Variants in CARMIL1 observed in about 807,000 individuals in gnomAD.
CARMIL1 encodes the protein capping protein regulator and myosin 1 linker 1, also known as F-actin-uncapping protein LRRC16A.
Under a neutral mutation model 177.1 loss-of-function variants are expected in CARMIL1, and 90 were observed. The ratio of observed to expected loss-of-function variants is 0.51; its 90% confidence interval spans 0.43 to 0.61. CARMIL1 has a LOEUF of 0.61. Among genes scored for constraint, CARMIL1 ranks in the 20% least tolerant of loss-of-function variants. The pLI, the probability that CARMIL1 is intolerant of heterozygous loss-of-function variation, is 0.00. For synonymous variants in CARMIL1, 577 were observed against 606.2 expected (o/e 0.95, Z 0.71); for missense variants, 1,380 against 1,667.0 (o/e 0.83, Z 3.00).
intron 2 of CARMIL1, among the ~76,000 whole-genome samples, chr6:25,325,418 A>G (rs1324024285): frequency 6.6e-6 from 1 of 152,190 alleles, no homozygotes; most frequent in Non-Finnish European, 1.5e-5. Context: ...ATTTGCTTGC[A>G]GATTTTAGGG....
chr6:25,347,699 A>G (rs1787664036), intron 2 of CARMIL1, among the ~76,000 whole-genome samples: 1 of 152,224 alleles, frequency 6.6e-6, no homozygotes, highest in Non-Finnish European at 1.5e-5. Context: ...CCCTAATGTT[A>G]ACATCTTATT....
intron 2 of CARMIL1, among the ~76,000 whole-genome samples, chr6:25,296,053 A>G (rs1454737808): frequency 2.6e-5 from 4 of 152,262 alleles, no homozygotes; most frequent in Admixed American, 2.0e-4. Context: ...AACTAGTCCA[A>G]TGTCTTAGAA....
rs1311224516 is a variant in CARMIL1, at chr6:25,279,853, G to T, written c.40+18G>T. 1 of 1,613,760 alleles carries T rather than the reference G, an allele frequency of 6.2e-7. No homozygotes were observed. The highest frequency in any genetic ancestry group is 1.7e-5 in the Admixed American group (1 of 60,006). ...GTTGATAGGTAAGATTCACGCGGTT[G>T]TTGGTTTTCCACCTTCCTCTGCGTA... is the stretch of plus-strand genomic sequence containing the variant. On this transcript the variant is annotated intron_variant, in intron 1 of 36. Coordinates refer to ENST00000329474, the MANE Select transcript of CARMIL1 (RefSeq NM_017640.6).
chr6:25,328,524 C>T (rs1320050022), intron 2 of CARMIL1, among the ~76,000 whole-genome samples: 1 of 152,170 alleles, frequency 6.6e-6, no homozygotes, highest in Non-Finnish European at 1.5e-5. Context: ...GATTTATTTA[C>T]TGTTCCTTAT....
At chr6:25,485,549 C>G (rs898099914) in intron 12 of CARMIL1, among the ~76,000 whole-genome samples, 4 of 152,164 alleles carry the variant, frequency 2.6e-5, no homozygotes, top group African/African-American at 9.7e-5. Flanking sequence ...ATTCTCTTGC[C>G]TCAGCCTCCC....
chr6:25,392,141 A>C (rs1483017710), intron 2 of CARMIL1, among the ~76,000 whole-genome samples: 1 of 151,812 alleles, frequency 6.6e-6, no homozygotes, highest in African/African-American at 2.4e-5. Context: ...TGTGCCATAC[A>C]TACATTGCTA....
chr6:25,381,780 G>A (rs1791568687), intron 2 of CARMIL1, among the ~76,000 whole-genome samples: 1 of 151,992 alleles, frequency 6.6e-6, no homozygotes, highest in African/African-American at 2.4e-5. Flanking sequence ...AGGTTTTATG[G>A]CGTTTCCATT....
intron 32 of CARMIL1, among the ~76,000 whole-genome samples, chr6:25,597,709 C>G (rs183201224): frequency 6.6e-6 from 1 of 152,280 alleles, no homozygotes; most frequent in Non-Finnish European, 1.5e-5. Context: ...TTCACCTCGT[C>G]TCTGTGTCAT....
intron 2 of CARMIL1, among the ~76,000 whole-genome samples, chr6:25,401,977 G>A (rs1793921593): frequency 6.6e-6 from 1 of 151,832 alleles, no homozygotes; most frequent in Non-Finnish European, 1.5e-5. Flanking sequence ...TGACAACCAA[G>A]GATTTGCGTG....
At chr6:25,349,193 A>G (rs1157643816) in intron 2 of CARMIL1, among the ~76,000 whole-genome samples, 2 of 152,212 alleles carry the variant, frequency 1.3e-5, no homozygotes, top group African/African-American at 2.4e-5. Flanking sequence ...GTGCACATAC[A>G]CATGCACACA....
chr6:25,420,227 C>G, intron 3 of CARMIL1, 63 bp downstream of exon 3: 1 of 1,436,664 alleles, frequency 7.0e-7, no homozygotes, highest in South Asian at 1.1e-5. Flanking sequence ...CATGCATAGT[C>G]ACTCATGCAT....
At chr6:25,420,455 G>T in intron 3 of CARMIL1, 1 of 327,676 alleles carries the variant, frequency 3.1e-6, no homozygotes, top group South Asian at 4.7e-5. Flanking sequence ...GAAAATCAGT[G>T]AAGGATTTTG....
intron 11 of CARMIL1, among the ~76,000 whole-genome samples, chr6:25,474,903 T>C (rs463121): frequency 0.58 from 88,074 of 152,010 alleles, 25,676 homozygotes; most frequent in South Asian, 0.67. Flanking sequence ...AAATGAAATC[T>C]AGAGTTAAGA....
chr6:25,513,786 A>G (rs893692015), intron 20 of CARMIL1, among the ~76,000 whole-genome samples: 1 of 152,220 alleles, frequency 6.6e-6, no homozygotes, highest in African/African-American at 2.4e-5. Flanking sequence ...GAACTTGGTC[A>G]TAGATTACCC....
intron 2 of CARMIL1, among the ~76,000 whole-genome samples, chr6:25,412,947 T>A (rs1249226088): frequency 1.3e-5 from 2 of 152,202 alleles, no homozygotes; most frequent in African/African-American, 4.8e-5. Flanking sequence ...ACTTTTTTGG[T>A]GTTCCTTTTG....
At position 25,284,798 on chromosome 6, in the gene CARMIL1, C is replaced by G. The variant is rs1781408818; in HGVS notation, c.41-14C>G. On this transcript the variant is annotated splice_polypyrimidine_tract_variant and intron_variant, in intron 1 of 36. Coordinates refer to ENST00000329474, the MANE Select transcript of CARMIL1 (RefSeq NM_017640.6). ...TTTTTTCTTATTAATAACATAATTCCTTTTTTTTTTCAGAAAGCATAAAGG... is the reference window on the plus strand; with the variant it reads ...TTTTTTCTTATTAATAACATAATTCGTTTTTTTTTTCAGAAAGCATAAAGG... The G allele has an allele frequency of 8.1e-7, 1 of 1,228,142 alleles. No individual in the cohort carries two copies. The highest frequency in any genetic ancestry group is 1.5e-5 in the African/African-American group (1 of 64,544). 76.1% of individuals were successfully genotyped at this position (1,228,142 alleles called of 1,614,324 possible).
At chr6:25,328,844 A>C (rs1785353194) in intron 2 of CARMIL1, among the ~76,000 whole-genome samples, 1 of 152,266 alleles carries the variant, frequency 6.6e-6, no homozygotes, top group East Asian at 1.9e-4. Flanking sequence ...ATGAGAGGGG[A>C]AAAAAATCTC....
rs59911299 is a variant in CARMIL1 at position 25,619,733 on chromosome 6, C to CTTTTTTTTT, written c.*170_*178dup. ...TTTCGCCCCCACCCCCATCCCCTGC[C>CTTTTTTTTT]TTTTTTTTTTTTTTTTTTTTTTTTT... is the stretch of plus-strand genomic sequence containing the variant. On this transcript the variant is annotated 3_prime_UTR_variant, in exon 37 of 37. Transcript: ENST00000329474. 1.1e-5 allele frequency: 1 copy of CTTTTTTTTT among 91,402 alleles called. No individual in the cohort carries two copies. Among genetic ancestry groups the CTTTTTTTTT allele is most frequent in the Non-Finnish European group, 1.8e-5 (1 of 56,632 alleles). 5.7% of individuals were successfully genotyped at this position (91,402 alleles called of 1,614,324 possible).
intron 31 of CARMIL1, among the ~76,000 whole-genome samples, chr6:25,582,525 C>G (rs1310639265): frequency 6.6e-6 from 1 of 152,160 alleles, no homozygotes. Flanking sequence ...CCTTATAAGC[C>G]TGCCCTTCTC....
Sources: allele counts gnomAD v4.1 joint callset (sites outside exome capture counted in the v4.1 genomes callset), GRCh38; gene constraint gnomAD v4.1.1; transcripts MANE v1.5; gene names NCBI Gene and HGNC (gene_info 2026-07-23, HGNC 2026-07-21).